CNTN5: variants seen among roughly 807,000 people sequenced by gnomAD.
The protein encoded by CNTN5 is contactin 5.
CNTN5 carries 77 observed loss-of-function variants against 129.1 expected under a neutral mutation model. The observed-to-expected ratio is 0.60, with a 90% CI of 0.50 to 0.72. The LOEUF is 0.72. Ranked by LOEUF, CNTN5 falls within the 30% of genes least tolerant of loss-of-function variation. The pLI is 0.00. For synonymous variants in CNTN5, 509 were observed against 465.6 expected (o/e 1.09, Z -1.20); for missense variants, 1,478 against 1,328.8 (o/e 1.11, Z -1.75).
chr11:99,096,801 G>A (rs573845498), intron 1 of CNTN5, among the ~76,000 whole-genome samples: 6 of 151,326 alleles, frequency 4.0e-5, no homozygotes, highest in African/African-American at 9.7e-5. Context: ...GATTTTTCTC[G>A]CTGTCATACT....
At position 99,989,028 on chromosome 11, in the gene CNTN5, T is replaced by C. The variant is rs561689877; in HGVS notation, c.878-13006T>C. ...TTTATGATTAATTTGTCTAATACAT[T>C]GAGTAAAGTCCACCATATCTGTGAG... On this transcript the variant is annotated intron_variant, in intron 8 of 24. Coordinates refer to ENST00000524871, the MANE Select transcript of CNTN5 (RefSeq NM_014361.4). 6.6e-5 allele frequency among the ~76,000 whole-genome samples: 10 copies of C among 152,338 alleles called. No individual in the cohort carries two copies. In the East Asian group the frequency reaches 1.9e-3, roughly 29 times the overall value.
intron 13 of CNTN5, among the ~76,000 whole-genome samples, chr11:100,174,663 T>C (rs1337799877): frequency 2.0e-5 from 3 of 152,090 alleles, no homozygotes; most frequent in African/African-American, 4.8e-5. Flanking sequence ...GTTTTTTGTT[T>C]GTTTGTTTTA....
chr11:99,046,154 C>T (rs1255160820), intron 1 of CNTN5, among the ~76,000 whole-genome samples: 3 of 151,972 alleles, frequency 2.0e-5, no homozygotes, highest in African/African-American at 7.3e-5. Flanking sequence ...GACTGGGCGA[C>T]ATGGCAAAAC....
chr11:99,403,369 T>C (rs999371342), intron 2 of CNTN5, among the ~76,000 whole-genome samples: 10 of 152,146 alleles, frequency 6.6e-5, no homozygotes, highest in African/African-American at 2.2e-4. Flanking sequence ...ATTTCTGTTC[T>C]CATTTTATCA....
At chr11:99,818,216 G>A (rs1283761340) in intron 3 of CNTN5, among the ~76,000 whole-genome samples, 3 of 151,472 alleles carry the variant, frequency 2.0e-5, no homozygotes, top group Admixed American at 2.0e-4. Context: ...AATTTAGTTA[G>A]CAATGATTAT....
At chr11:99,350,573 T>C (rs1476107526) in intron 2 of CNTN5, among the ~76,000 whole-genome samples, 2 of 152,024 alleles carry the variant, frequency 1.3e-5, no homozygotes, top group Non-Finnish European at 2.9e-5. Flanking sequence ...CTGTTAAAGG[T>C]GAATGGATAA....
intron 2 of CNTN5, among the ~76,000 whole-genome samples, chr11:99,495,713 A>C (rs1239273554): frequency 6.6e-6 from 1 of 152,218 alleles, no homozygotes; most frequent in Non-Finnish European, 1.5e-5. Context: ...CTTTGATAGC[A>C]GGGTAGAGAA....
chr11:100,282,590 C>A (rs1465660179), intron 18 of CNTN5, among the ~76,000 whole-genome samples: 1 of 152,228 alleles, frequency 6.6e-6, no homozygotes, highest in African/African-American at 2.4e-5. Flanking sequence ...TTGCTGGTGA[C>A]TGCCTATGTT....
Position 99,251,907 on chromosome 11 carries a change from T to C in CNTN5, c.-209-73439T>C, listed in dbSNP as rs1025926395. ...ATAAATATGATAGATAAAGGTTTAA[T>C]ATGGAATTATTTTAGAAAAGCAAAT... On this transcript the variant is annotated intron_variant, in intron 1 of 24. Transcript: ENST00000524871. 6.6e-5 allele frequency among the ~76,000 whole-genome samples: 10 copies of C among 152,030 alleles called. No individual in the cohort carries two copies. In the South Asian group the frequency reaches 1.9e-3, roughly 28 times the overall value.
chr11:99,974,722 TA>T (rs1182164475), intron 8 of CNTN5, among the ~76,000 whole-genome samples: 1 of 152,212 alleles, frequency 6.6e-6, no homozygotes, highest in African/African-American at 2.4e-5. Context: ...CATAGTGTGT[TA>T]ATTATCTGTC....
intron 3 of CNTN5, among the ~76,000 whole-genome samples, chr11:99,760,577 A>G (rs191708246): frequency 3.0e-4 from 45 of 152,278 alleles, no homozygotes; most frequent in African/African-American, 1.0e-3. Context: ...AAAAATGGTT[A>G]TGGATTAGTT....
At chr11:99,684,061 A>C (rs1251660079) in intron 3 of CNTN5, among the ~76,000 whole-genome samples, 1 of 151,782 alleles carries the variant, frequency 6.6e-6, no homozygotes, top group Non-Finnish European at 1.5e-5. Flanking sequence ...CTCATAAGTG[A>C]AATTTTGTTT....
In CNTN5 at chr11:99,144,847, T is replaced by C. The variant is rs1396970692; in HGVS notation, c.-210+123577T>C. On this transcript the variant is annotated intron_variant, in intron 1 of 24. Coordinates refer to ENST00000524871, the MANE Select transcript of CNTN5 (RefSeq NM_014361.4). ...TTTTTATCGCCTGTCTGTATTCTCT[T>C]GTATCTTTCTTAGTTTCTGTGAAAT... Among the ~76,000 whole-genome samples the C allele has an allele frequency of 8.5e-5, 13 of 152,226 alleles. 1 individual carries two copies. The highest frequency in any genetic ancestry group is 3.1e-4 in the African/African-American group (13 of 41,560).
At chr11:100,103,243 A>G (rs1945289513) in intron 13 of CNTN5, among the ~76,000 whole-genome samples, 1 of 152,202 alleles carries the variant, frequency 6.6e-6, no homozygotes, top group Non-Finnish European at 1.5e-5. Context: ...GCCCTTGCTT[A>G]AACTTAAGAG....
intron 13 of CNTN5, among the ~76,000 whole-genome samples, chr11:100,184,570 T>A (rs1055764797): frequency 6.6e-6 from 1 of 152,110 alleles, no homozygotes; most frequent in African/African-American, 2.4e-5. Context: ...CCAACAGGCA[T>A]GAACTTGGAA....
intron 13 of CNTN5, among the ~76,000 whole-genome samples, chr11:100,149,674 C>T (rs1319273215): frequency 2.0e-5 from 3 of 151,848 alleles, no homozygotes; most frequent in Non-Finnish European, 1.5e-5. Flanking sequence ...AGGCGGATCA[C>T]GAGGTCAGGA....
chr11:99,142,308 G>C (rs1303725602), intron 1 of CNTN5, among the ~76,000 whole-genome samples: 1 of 25,044 alleles, frequency 4.0e-5, no homozygotes, highest in Non-Finnish European at 6.4e-5. Context: ...TTGAGCTTGT[G>C]GTGGCGAGGT....
intron 3 of CNTN5, among the ~76,000 whole-genome samples, chr11:99,782,816 C>CA (rs1472709690): frequency 2.0e-5 from 3 of 151,118 alleles, no homozygotes; most frequent in African/African-American, 7.3e-5. Flanking sequence ...ACACCTTATA[C>CA]AAAAATCAAT....
At chr11:99,282,319 C>G (rs148848173) in intron 1 of CNTN5, among the ~76,000 whole-genome samples, 1 of 151,902 alleles carries the variant, frequency 6.6e-6, no homozygotes, top group Non-Finnish European at 1.5e-5. Context: ...TGGGGCCATG[C>G]TGAGTACTAC....
Sources: gnomAD v4.1 joint callset for allele counts (sites outside exome capture counted in the v4.1 genomes callset) on GRCh38, gnomAD v4.1.1 for gene constraint, MANE v1.5 for transcripts, NCBI Gene and HGNC (gene_info 2026-07-23, HGNC 2026-07-21) for gene names.